The following MAN1A2 variants were observed in gnomAD, a reference collection of about 807,000 sequenced individuals.
The protein encoded by MAN1A2 is mannosyl-oligosaccharide 1,2-alpha-mannosidase IB.
In MAN1A2, 26 loss-of-function variants were observed where a neutral mutation model predicts 75.7. The ratio of observed to expected loss-of-function variants is 0.34; its 90% CI spans 0.25 to 0.48. The LOEUF (loss-of-function observed/expected upper bound fraction) is 0.48. Ranked by LOEUF, MAN1A2 falls within the 20% of genes least tolerant of loss-of-function variation. The pLI is 0.99. For missense variants in MAN1A2, 562 were observed against 775.5 expected (o/e 0.72, Z 3.27); for synonymous variants, 247 against 264.6 (o/e 0.93, Z 0.65).
rs983226920 is a variant in MAN1A2 at position 117,524,602 on chromosome 1, T to G, written c.*1645T>G. 11 of 151,774 alleles carry G rather than the reference T, an allele frequency of 7.2e-5. No individual in the cohort carries two copies. Among genetic ancestry groups the G allele is most frequent in the African/African-American group, 2.7e-4 (11 of 41,388 alleles). 9.4% of individuals were successfully genotyped at this position (151,774 alleles called of 1,614,324 possible). On this transcript the variant is annotated 3_prime_UTR_variant, in exon 13 of 13. Transcript: ENST00000356554. ...TTAGGTTTTAAGTTGGGGAAAGACTTAATTAACTAATATAGTATTTTCTAA... is the reference window on the plus strand; with the variant it reads ...TTAGGTTTTAAGTTGGGGAAAGACTGAATTAACTAATATAGTATTTTCTAA...
At chr1:117,462,276 A>G (rs1194056786) in intron 7 of MAN1A2, among the ~76,000 whole-genome samples, 1 of 152,192 alleles carries the variant, frequency 6.6e-6, no homozygotes, top group Non-Finnish European at 1.5e-5. Context: ...TATACGTAGA[A>G]GCATTGTTTA....
intron 1 of MAN1A2, among the ~76,000 whole-genome samples, chr1:117,400,275 C>T (rs1375167271): frequency 1.3e-5 from 2 of 151,832 alleles, no homozygotes; most frequent in Non-Finnish European, 2.9e-5. Context: ...CCTCCCTCTC[C>T]CTTTCTCTCT....
intron 2 of MAN1A2, among the ~76,000 whole-genome samples, chr1:117,404,491 A>G (rs1283273032): frequency 2.0e-5 from 3 of 152,104 alleles, no homozygotes; most frequent in Admixed American, 6.5e-5. Flanking sequence ...GCCTGTAGAT[A>G]TTATTGTGAG....
chr1:117,401,629 T>C (rs1414465529), intron 1 of MAN1A2, among the ~76,000 whole-genome samples: 1 of 152,184 alleles, frequency 6.6e-6, no homozygotes, highest in Admixed American at 6.5e-5. Context: ...GGGTTTCATA[T>C]AGACCTACTA....
At chr1:117,512,164 G>C (rs1271030200) in intron 12 of MAN1A2, among the ~76,000 whole-genome samples, 1 of 152,068 alleles carries the variant, frequency 6.6e-6, no homozygotes, top group African/African-American at 2.4e-5. Flanking sequence ...TCAAAGAATT[G>C]ATAAAGCAAG....
chr1:117,465,547 T>C (rs1030407078), intron 7 of MAN1A2, among the ~76,000 whole-genome samples: 7 of 152,130 alleles, frequency 4.6e-5, no homozygotes, highest in African/African-American at 1.4e-4. Context: ...AAAAGTGAAG[T>C]ATATATCAGG....
intron 7 of MAN1A2, among the ~76,000 whole-genome samples, chr1:117,461,763 T>A (rs1011201846): frequency 2.0e-5 from 3 of 152,156 alleles, no homozygotes; most frequent in African/African-American, 7.2e-5. Flanking sequence ...TATTTATATA[T>A]AGGTAAACAA....
intron 1 of MAN1A2, among the ~76,000 whole-genome samples, chr1:117,372,254 G>A (rs544431724): frequency 6.6e-6 from 1 of 152,172 alleles, no homozygotes; most frequent in Admixed American, 6.5e-5. Flanking sequence ...GGTGATAGTG[G>A]AGAATGAGAT....
chr1:117,391,260 G>A (rs1333626461), intron 1 of MAN1A2, among the ~76,000 whole-genome samples: 1 of 152,128 alleles, frequency 6.6e-6, no homozygotes, highest in African/African-American at 2.4e-5. Flanking sequence ...CATTTAAACA[G>A]AATGTATATT....
intron 9 of MAN1A2, chr1:117,494,980 C>A (rs929919922): frequency 4.6e-5 from 7 of 151,542 alleles, no homozygotes; most frequent in Admixed American, 4.6e-4. Context: ...ATATCATATA[C>A]CATGTAATAA....
At chr1:117,372,474 G>A (rs1168098237) in intron 1 of MAN1A2, among the ~76,000 whole-genome samples, 1 of 152,112 alleles carries the variant, frequency 6.6e-6, no homozygotes, top group East Asian at 1.9e-4. Flanking sequence ...GGTATTACAT[G>A]AATTTAGTAT....
At chr1:117,439,640 C>T (rs959487179) in intron 5 of MAN1A2, among the ~76,000 whole-genome samples, 3 of 151,856 alleles carry the variant, frequency 2.0e-5, no homozygotes, top group East Asian at 1.9e-4. Context: ...ACTATAGGCG[C>T]GCACCACCAC....
chr1:117,421,799 T>C (rs1161939578), intron 5 of MAN1A2, among the ~76,000 whole-genome samples: 1 of 152,070 alleles, frequency 6.6e-6, no homozygotes, highest in African/African-American at 2.4e-5. Flanking sequence ...TAGAAAAAAA[T>C]GATATATACT....
intron 12 of MAN1A2, among the ~76,000 whole-genome samples, chr1:117,511,075 C>T (rs1444923502): frequency 1.3e-5 from 2 of 151,952 alleles, no homozygotes; most frequent in African/African-American, 2.4e-5. Context: ...AAGCTTAAAT[C>T]GTGGCAGAAG....
At chr1:117,372,405 A>G (rs924828184) in intron 1 of MAN1A2, among the ~76,000 whole-genome samples, 3 of 152,220 alleles carry the variant, frequency 2.0e-5, no homozygotes, top group Non-Finnish European at 2.9e-5. Context: ...TGACATGGCC[A>G]TGGATTAGTA....
At chr1:117,429,953 T>C (rs1285022743) in intron 5 of MAN1A2, among the ~76,000 whole-genome samples, 3 of 44,458 alleles carry the variant, frequency 6.7e-5, no homozygotes, top group Non-Finnish European at 9.0e-5. Flanking sequence ...GCCCCTCACC[T>C]CCAGACGGGG....
chr1:117,445,866 G>GTATATATATATATATA (rs1255167664), intron 6 of MAN1A2, among the ~76,000 whole-genome samples: 23 of 120,144 alleles, frequency 1.9e-4, no homozygotes, highest in East Asian at 1.2e-3. Context: ...GTGTATGTGT[G>GTATATATATATATATA]TGTGTGTCTG....
intron 6 of MAN1A2, among the ~76,000 whole-genome samples, chr1:117,445,151 T>C (rs983445673): frequency 6.6e-6 from 1 of 152,182 alleles, no homozygotes; most frequent in Non-Finnish European, 1.5e-5. Flanking sequence ...TTTATTCTTT[T>C]AATATGGTAA....
intron 8 of MAN1A2, among the ~76,000 whole-genome samples, chr1:117,488,155 T>C (rs1302174668): frequency 6.6e-6 from 1 of 152,080 alleles, no homozygotes; most frequent in Non-Finnish European, 1.5e-5. Flanking sequence ...AGAGGTGTCC[T>C]TTTAGATATT....
Sources: gnomAD v4.1 joint callset for allele counts (sites outside exome capture counted in the v4.1 genomes callset) on GRCh38, gnomAD v4.1.1 for gene constraint, MANE v1.5 for transcripts, NCBI Gene and HGNC (gene_info 2026-07-23, HGNC 2026-07-21) for gene names.